Variants in TMEM108 observed in about 807,000 individuals in gnomAD.
TMEM108 encodes cancer/testis antigen 124.
In TMEM108, 12 loss-of-function variants were observed where a neutral mutation model predicts 35.1. The observed-to-expected ratio is 0.34, with a 90% CI of 0.22 to 0.55. The LOEUF is 0.55. Among genes scored for constraint, TMEM108 ranks in the 20% least tolerant of loss-of-function variants. The pLI is 0.89. For missense variants in TMEM108, 680 were observed against 753.3 expected (o/e 0.90, Z 1.14); for synonymous variants, 287 against 308.6 (o/e 0.93, Z 0.73).
intron 2 of TMEM108, among the ~76,000 whole-genome samples, chr3:133,113,336 C>T (rs572732481): frequency 6.6e-6 from 1 of 152,164 alleles, no homozygotes; most frequent in South Asian, 2.1e-4. Flanking sequence ...TTTAAGTGTT[C>T]CCTAATATAT....
At chr3:133,365,971 CAG>C (rs75827842) in intron 3 of TMEM108, among the ~76,000 whole-genome samples, 48,108 of 151,816 alleles carry the variant, frequency 0.32, 8,086 homozygotes, top group East Asian at 0.47. Flanking sequence ...AAGAGGGAGA[CAG>C]AGAAGTGGGG....
At chr3:133,168,589 A>G (rs1945079512) in intron 2 of TMEM108, among the ~76,000 whole-genome samples, 1 of 152,092 alleles carries the variant, frequency 6.6e-6, no homozygotes, top group Admixed American at 6.6e-5. Context: ...ACTCTGTAAA[A>G]CGGACCAATC....
chr3:133,215,202 G>T (rs1945888974), intron 2 of TMEM108, among the ~76,000 whole-genome samples: 1 of 151,864 alleles, frequency 6.6e-6, no homozygotes. Flanking sequence ...TGAGCTTATG[G>T]CCAACAGCAC....
intron 3 of TMEM108, among the ~76,000 whole-genome samples, chr3:133,292,243 T>C (rs1947080589): frequency 6.6e-6 from 1 of 152,196 alleles, no homozygotes; most frequent in African/African-American, 2.4e-5. Flanking sequence ...AGTTCAAGGT[T>C]TTCAAACTGT....
At chr3:133,216,319 C>G (rs571430686) in intron 2 of TMEM108, among the ~76,000 whole-genome samples, 1 of 152,190 alleles carries the variant, frequency 6.6e-6, no homozygotes, top group Non-Finnish European at 1.5e-5. Flanking sequence ...ATTAGGCTCA[C>G]TCTCCTTAAG....
At chr3:133,254,059 C>T (rs1230715235) in intron 3 of TMEM108, among the ~76,000 whole-genome samples, 1 of 152,060 alleles carries the variant, frequency 6.6e-6, no homozygotes, top group East Asian at 1.9e-4. Flanking sequence ...GTATTCAAGC[C>T]AGGCACAGTG....
At chr3:133,356,800 G>A (rs145050307) in intron 3 of TMEM108, among the ~76,000 whole-genome samples, 46 of 152,040 alleles carry the variant, frequency 3.0e-4, no homozygotes, top group African/African-American at 9.9e-4. Flanking sequence ...CCTATCCCTC[G>A]CCTTATACAA....
intron 3 of TMEM108, among the ~76,000 whole-genome samples, chr3:133,324,412 G>GA (rs1406889802): frequency 6.6e-6 from 1 of 152,076 alleles, no homozygotes; most frequent in Non-Finnish European, 1.5e-5. Flanking sequence ...ACAAATATAT[G>GA]AAAAAATATT....
intron 3 of TMEM108, chr3:133,378,577 G>T: frequency 1.0e-6 from 1 of 982,300 alleles, no homozygotes; most frequent in Non-Finnish European, 1.2e-6. Flanking sequence ...GGCCTCAGAG[G>T]ACTGTTGGCC....
chr3:133,117,141 G>A (rs1235362358), intron 2 of TMEM108, among the ~76,000 whole-genome samples: 3 of 152,170 alleles, frequency 2.0e-5, no homozygotes, highest in African/African-American at 4.8e-5. Context: ...AGTGTATTCA[G>A]ACCATTTCAT....
intron 2 of TMEM108, among the ~76,000 whole-genome samples, chr3:133,073,510 C>CTCTCTCTCTATATATATA: frequency 3.1e-3 from 136 of 43,858 alleles, no homozygotes; most frequent in Middle Eastern, 0.016. Flanking sequence ...CTCTCTCTCT[C>CTCTCTCTCTATATATATA]TATATATATA....
chr3:133,379,430 C>G (rs2072936644), intron 3 of TMEM108, among the ~76,000 whole-genome samples: 1 of 152,190 alleles, frequency 6.6e-6, no homozygotes, highest in Admixed American at 6.5e-5. Context: ...CCAGCCCCAG[C>G]CTGTTCTGAA....
intron 2 of TMEM108, among the ~76,000 whole-genome samples, chr3:133,191,369 T>C (rs1483528511): frequency 2.0e-5 from 3 of 152,220 alleles, no homozygotes; most frequent in Non-Finnish European, 4.4e-5. Flanking sequence ...TAGTATGAAA[T>C]AAGCCCCTTC....
intron 3 of TMEM108, among the ~76,000 whole-genome samples, chr3:133,365,492 G>A (rs1025977331): frequency 6.6e-6 from 1 of 152,184 alleles, no homozygotes; most frequent in African/African-American, 2.4e-5. Context: ...TAAGAGCTAT[G>A]GTTGGGGTGA....
chr3:133,150,818 C>A (rs1944789378), intron 2 of TMEM108, among the ~76,000 whole-genome samples: 1 of 152,132 alleles, frequency 6.6e-6, no homozygotes, highest in African/African-American at 2.4e-5. Flanking sequence ...GGCAGGAAGA[C>A]TAGGCCACAG....
chr3:133,296,674 G>A (rs376349651), intron 3 of TMEM108, among the ~76,000 whole-genome samples: 12 of 152,268 alleles, frequency 7.9e-5, no homozygotes, highest in Admixed American at 5.2e-4. Flanking sequence ...AAAGCAACCC[G>A]TGTGTCAGTG....
chr3:133,225,877 T>C (rs1946063027), intron 2 of TMEM108, among the ~76,000 whole-genome samples: 1 of 152,182 alleles, frequency 6.6e-6, no homozygotes, highest in African/African-American at 2.4e-5. Context: ...CTCCATAAAA[T>C]ATTTGAAGAG....
chr3:133,059,605 G>C (rs1269630302), intron 2 of TMEM108, among the ~76,000 whole-genome samples: 1 of 152,208 alleles, frequency 6.6e-6, no homozygotes, highest in Non-Finnish European at 1.5e-5. Flanking sequence ...TAAATTGGCT[G>C]TGCGGCTGCG....
chr3:133,332,082 GCACACACACA>G (rs66877804), intron 3 of TMEM108, among the ~76,000 whole-genome samples: 1,534 of 151,020 alleles, frequency 0.01, 21 homozygotes, highest in African/African-American at 0.03. Context: ...GTGCGCACGT[GCACACACACA>G]CACACACACA....
Sources: gnomAD v4.1 joint callset for allele counts (sites outside exome capture counted in the v4.1 genomes callset) on GRCh38, gnomAD v4.1.1 for gene constraint, MANE v1.5 for transcripts, NCBI Gene and HGNC (gene_info 2026-07-23, HGNC 2026-07-21) for gene names.